KANK1: variants seen among roughly 807,000 people sequenced by gnomAD.
The protein encoded by KANK1 is KN motif and ankyrin repeat domain-containing protein 1.
KANK1 carries 109 observed loss-of-function variants against 106.2 expected under a neutral mutation model. The observed-to-expected ratio is 1.03, with a 90% CI of 0.88 to 1.20. The LOEUF is 1.20. Among genes scored for constraint, KANK1 ranks in the 50% most tolerant of loss-of-function variants. The pLI is 0.00. For missense variants in KANK1, 2,399 were observed against 1,710.7 expected (o/e 1.40, Z -7.10); for synonymous variants, 873 against 652.2 (o/e 1.34, Z -5.16).
chr9:557,665 G>A (rs979884480), intron 1 of KANK1, among the ~76,000 whole-genome samples: 1 of 152,220 alleles, frequency 6.6e-6, no homozygotes, highest in Non-Finnish European at 1.5e-5. Flanking sequence ...ATCCTTGGGT[G>A]AGGAAGAACA....
At chr9:631,419 C>T (rs770491938) in intron 1 of KANK1, among the ~76,000 whole-genome samples, 8 of 152,120 alleles carry the variant, frequency 5.3e-5, no homozygotes, top group Non-Finnish European at 1.0e-4. Context: ...TCCTTGAGGA[C>T]CATCAACTAT....
chr9:558,244 A>G (rs892598836), intron 1 of KANK1, among the ~76,000 whole-genome samples: 3 of 152,218 alleles, frequency 2.0e-5, no homozygotes, highest in African/African-American at 7.2e-5. Flanking sequence ...GAGATAGCAA[A>G]CTGCTCACTG....
At chr9:740,699 C>G (rs556008563) in intron 8 of KANK1, 93 bp from the exon 9 acceptor site, 5 of 1,338,772 alleles carry the variant, frequency 3.7e-6, no homozygotes, top group Non-Finnish European at 4.1e-6. Context: ...TTTCACTGGG[C>G]TCCTGTAAAC....
chr9:723,301 G>T (rs942641778), intron 3 of KANK1, among the ~76,000 whole-genome samples: 42 of 152,156 alleles, frequency 2.8e-4, no homozygotes, highest in African/African-American at 9.2e-4. Flanking sequence ...GTAAGCTGTG[G>T]TGAGAAAAAT....
chr9:633,439 C>G (rs564081502), intron 1 of KANK1, among the ~76,000 whole-genome samples: 1 of 152,096 alleles, frequency 6.6e-6, no homozygotes, highest in Non-Finnish European at 1.5e-5. Flanking sequence ...GCCTGGGTGA[C>G]AGAGCGAGAC....
rs1432310153 is a variant in KANK1 at position 622,073 on chromosome 9, G to C, written c.-83-54817G>C. ...TTTTTCATACAACAGTCTACTTTTA[G>C]AGCTTTTGTTCGTTTGTTGTGTCAT... On this transcript the variant is annotated intron_variant, in intron 1 of 11. Transcript: ENST00000382297. Among the ~76,000 whole-genome samples, 5 of 152,254 alleles carry C rather than the reference G, an allele frequency of 3.3e-5. No individual in the cohort carries two copies. In the East Asian group the frequency reaches 9.6e-4, roughly 29 times the overall value.
chr9:497,031 C>A (rs894573563), intron 3 of KANK1, among the ~76,000 whole-genome samples: 1 of 152,138 alleles, frequency 6.6e-6, no homozygotes, highest in Non-Finnish European at 1.5e-5. Flanking sequence ...AAAATGTATT[C>A]ATACAGGGTT....
At chr9:736,194 G>A (rs1315026573) in intron 7 of KANK1, among the ~76,000 whole-genome samples, 1 of 152,142 alleles carries the variant, frequency 6.6e-6, no homozygotes. Context: ...TCCTGACCTC[G>A]TGGTCCGCCC....
At chr9:655,391 A>ATG (rs1841925038) in intron 1 of KANK1, among the ~76,000 whole-genome samples, 2 of 148,180 alleles carry the variant, frequency 1.3e-5, no homozygotes, top group African/African-American at 5.0e-5. Flanking sequence ...AAAAAAAAAA[A>ATG]TCCAAGATTG....
chr9:704,568 C>G (rs1823507008), intron 2 of KANK1, among the ~76,000 whole-genome samples: 1 of 152,152 alleles, frequency 6.6e-6, no homozygotes, highest in East Asian at 1.9e-4. Context: ...TACTAAAGAA[C>G]ATCAAGCTGT....
chr9:719,174 G>T (rs1272301831), intron 3 of KANK1, among the ~76,000 whole-genome samples: 1 of 151,784 alleles, frequency 6.6e-6, no homozygotes, highest in Non-Finnish European at 1.5e-5. Context: ...TAACCTTGTT[G>T]GCCAGGCTGG....
chr9:527,816 T>TA lies in KANK1; in HGVS notation c.-84+23075dup, dbSNP rs1159374900. 9.6e-3 allele frequency among the ~76,000 whole-genome samples: 1,376 copies of TA among 143,022 alleles called. 36 individuals are homozygous for TA. The highest frequency in any genetic ancestry group is 0.027 in the African/African-American group (1,045 of 38,732). The allele number at this position is 143,022 out of a possible 152,430, so 93.8% of individuals were successfully genotyped here. ...GTTCCCTTAAGTTCCAGCTTTTTAT[T>TA]AAAAAAAAAAAAATAGAGTTTCCCC... On this transcript the variant is annotated intron_variant, in intron 1 of 11. Coordinates refer to ENST00000382297, the MANE Select transcript of KANK1 (RefSeq NM_015158.5).
chr9:561,621 C>T (rs533890053), intron 1 of KANK1, among the ~76,000 whole-genome samples: 1 of 152,158 alleles, frequency 6.6e-6, no homozygotes, highest in African/African-American at 2.4e-5. Flanking sequence ...TGCTTCTTAC[C>T]AGTAATAGGA....
At chr9:471,932 C>T (rs1057009347) in intron 2 of KANK1, among the ~76,000 whole-genome samples, 3 of 152,094 alleles carry the variant, frequency 2.0e-5, no homozygotes, top group African/African-American at 7.2e-5. Flanking sequence ...GCTGACTCCC[C>T]GAGCACAAGG....
chr9:689,340 C>T (rs9299038), intron 2 of KANK1, among the ~76,000 whole-genome samples: 36,980 of 151,998 alleles, frequency 0.24, 5,576 homozygotes, highest in East Asian at 0.56. Context: ...TAAGGTAGGA[C>T]CATCAGATAG....
At chr9:630,882 G>A (rs964979767) in intron 1 of KANK1, among the ~76,000 whole-genome samples, 4 of 152,092 alleles carry the variant, frequency 2.6e-5, no homozygotes, top group Admixed American at 6.5e-5. Context: ...TTGAACCCGG[G>A]ATGTAGAGGT....
At chr9:542,543 G>T (rs7043674) in intron 1 of KANK1, among the ~76,000 whole-genome samples, 1 of 151,974 alleles carries the variant, frequency 6.6e-6, no homozygotes, top group African/African-American at 2.4e-5. Context: ...ATATGATCCA[G>T]CAATCCTACT....
At chr9:539,419 C>T (rs889247900) in intron 1 of KANK1, 1 of 152,178 alleles carries the variant, frequency 6.6e-6, no homozygotes, top group Non-Finnish European at 1.5e-5. Flanking sequence ...TCTTCAGTTT[C>T]TTTTAGCAAT....
At chr9:511,805 T>G (rs7858791) in intron 1 of KANK1, among the ~76,000 whole-genome samples, 18,523 of 152,212 alleles carry the variant, frequency 0.12, 2,031 homozygotes, top group African/African-American at 0.29. Context: ...AACTGCTGTT[T>G]CTGTTTTTAG....
Sources: allele counts gnomAD v4.1 joint callset (sites outside exome capture counted in the v4.1 genomes callset), GRCh38; gene constraint gnomAD v4.1.1; transcripts MANE v1.5; gene names NCBI Gene and HGNC (gene_info 2026-07-23, HGNC 2026-07-21).